The following FARSB variants were observed in gnomAD, a reference collection of about 807,000 sequenced individuals.
The protein encoded by FARSB is phenylalanine--tRNA ligase beta subunit.
FARSB carries 40 observed loss-of-function variants against 69.6 expected under a neutral mutation model. The ratio of observed to expected loss-of-function variants is 0.57; its 90% CI spans 0.45 to 0.75. The LOEUF is 0.75. Ranked by LOEUF, FARSB falls within the 30% of genes least tolerant of loss-of-function variation. The pLI is 0.00. For missense variants in FARSB, 632 were observed against 722.9 expected (o/e 0.87, Z 1.44); for synonymous variants, 235 against 247.2 (o/e 0.95, Z 0.46).
At position 222,616,990 on chromosome 2, in the gene FARSB, T is replaced by TATAGTGACA. The variant is rs1231018982; in HGVS notation, c.1344+2654_1344+2655insTGTCACTAT. Among the ~76,000 whole-genome samples, 194 of 5,190 alleles carry TATAGTGACA rather than the reference T, an allele frequency of 0.037. 57 individuals are homozygous for TATAGTGACA. In the Middle Eastern group the frequency reaches 0.5, roughly 13 times the overall value. The allele number at this position is 5,190 out of a possible 152,430, so 3.4% of individuals were successfully genotyped here. Reference sequence around the variant, plus strand: ...TTTATGCAGAAAGATTGATTCTTTTTTTTTTTTTTTTTTTTTTTTTTGAGA... The same window carrying TATAGTGACA: ...TTTATGCAGAAAGATTGATTCTTTTTATAGTGACATTTTTTTTTTTTTTTTTTTTTGAGA... On this transcript the variant is annotated intron_variant, in intron 14 of 16. Coordinates refer to ENST00000281828, the MANE Select transcript of FARSB (RefSeq NM_005687.5).
intron 16 of FARSB, among the ~76,000 whole-genome samples, chr2:222,582,781 C>T (rs545209233): frequency 4.0e-4 from 61 of 151,834 alleles, no homozygotes; most frequent in African/African-American, 1.2e-3. Flanking sequence ...AAAAATTAGT[C>T]GGGTGTGGTG....
rs1410841459 is a variant in FARSB, at chr2:222,570,035, A to G, written c.*1836T>C. Among the ~76,000 whole-genome samples, 1 of 152,208 alleles carries G rather than the reference A, an allele frequency of 6.6e-6. No individual in the cohort carries two copies. The highest frequency in any genetic ancestry group is 1.5e-5 in the Non-Finnish European group (1 of 68,038). On this transcript the variant is annotated 3_prime_UTR_variant, in exon 17 of 17. Coordinates refer to ENST00000281828, the MANE Select transcript of FARSB (RefSeq NM_005687.5). ...AGTGCATGAAAGTTCCACTTGCTCC[A>G]GTCTCAGCAGTATTTGATTTATGAA...
intron 10 of FARSB, among the ~76,000 whole-genome samples, chr2:222,627,399 G>A (rs904656570): frequency 6.6e-6 from 1 of 152,180 alleles, no homozygotes; most frequent in Non-Finnish European, 1.5e-5. Flanking sequence ...GTGAGTTGTT[G>A]ACCCCACTGC....
In FARSB at chr2:222,592,357, G is replaced by A. The variant is rs115542073; in HGVS notation, c.1618+7571C>T. ...AGAGCTGGAACTGGCCACTTAGAGCGTTGACAGTTTATCAGAATACATCAT... is the reference window on the plus strand; with the variant it reads ...AGAGCTGGAACTGGCCACTTAGAGCATTGACAGTTTATCAGAATACATCAT... On this transcript the variant is annotated intron_variant, in intron 16 of 16. Coordinates refer to ENST00000281828, the MANE Select transcript of FARSB (RefSeq NM_005687.5). Among the ~76,000 whole-genome samples the A allele has an allele frequency of 8.0e-3, 1,220 of 152,180 alleles. 15 individuals are homozygous for A. The highest frequency in any genetic ancestry group is 0.028 in the African/African-American group (1,165 of 41,510).
chr2:222,592,377 C>T (rs549477490), intron 16 of FARSB, among the ~76,000 whole-genome samples: 66 of 152,216 alleles, frequency 4.3e-4, no homozygotes, highest in Middle Eastern at 3.4e-3. Flanking sequence ...TATCAGAATA[C>T]ATCATGTTCT....
rs1025348309 is a variant in FARSB, at chr2:222,568,296, TAA to T, written c.*3573_*3574del. The T allele has an allele frequency of 4.6e-5, 7 of 152,174 alleles. No individual in the cohort carries two copies. The highest frequency in any genetic ancestry group is 7.4e-5 in the Non-Finnish European group (5 of 68,026). 9.4% of individuals were successfully genotyped at this position (152,174 alleles called of 1,614,324 possible). Reference sequence around the variant, plus strand: ...TTGTCTCCCATTATTTTTATATTTTTAAAAAGTGTAGAAAGTCCCATTATTTA... The same window carrying T: ...TTGTCTCCCATTATTTTTATATTTTTAAAGTGTAGAAAGTCCCATTATTTA... On this transcript the variant is annotated 3_prime_UTR_variant, in exon 17 of 17. Coordinates refer to ENST00000281828, the MANE Select transcript of FARSB (RefSeq NM_005687.5). The surrounding 1 kb of genome is among the most constrained non-coding windows in gnomAD (Gnocchi z 4.3).
intron 15 of FARSB, among the ~76,000 whole-genome samples, chr2:222,600,657 G>C (rs1340799667): frequency 6.6e-6 from 1 of 152,106 alleles, no homozygotes; most frequent in African/African-American, 2.4e-5. Flanking sequence ...ATTAAAAAGA[G>C]ACCACAAGGT....
At chr2:222,604,480 G>C (rs189380785) in intron 15 of FARSB, among the ~76,000 whole-genome samples, 1 of 152,192 alleles carries the variant, frequency 6.6e-6, no homozygotes, top group Admixed American at 6.5e-5. Context: ...TATATTCAAG[G>C]CGCTCTATTC....
intron 1 of FARSB, among the ~76,000 whole-genome samples, chr2:222,653,645 T>TC (rs1196585198): frequency 6.6e-6 from 1 of 152,032 alleles, no homozygotes; most frequent in African/African-American, 2.4e-5. Context: ...TTTTTTTTTT[T>TC]TCTGAGACAG....
intron 16 of FARSB, 107 bp downstream of exon 16, chr2:222,599,821 C>T (rs1690514109): frequency 1.2e-6 from 1 of 818,572 alleles, no homozygotes; most frequent in Non-Finnish European, 1.9e-6. Flanking sequence ...ATAAAACTCT[C>T]CCTTTCTTTC....
chr2:222,599,420 T>C (rs1255472024), intron 16 of FARSB, among the ~76,000 whole-genome samples: 1 of 152,228 alleles, frequency 6.6e-6, no homozygotes, highest in Non-Finnish European at 1.5e-5. Context: ...GTACTTGGGA[T>C]TTTATACACG....
intron 16 of FARSB, among the ~76,000 whole-genome samples, chr2:222,578,824 CA>C (rs536067546): frequency 6.1e-5 from 9 of 148,328 alleles, no homozygotes; most frequent in African/African-American, 2.0e-4. Flanking sequence ...CTAAAAAATA[CA>C]AAAAAAATTA....
Position 222,603,704 on chromosome 2 carries a change from GATA to G in FARSB, c.1463-3624_1463-3622del, listed in dbSNP as rs997329099. Among the ~76,000 whole-genome samples the G allele has an allele frequency of 2.3e-3, 332 of 145,902 alleles. 1 individual carries two copies. The highest frequency in any genetic ancestry group is 7.3e-3 in the Middle Eastern group (2 of 274). On this transcript the variant is annotated intron_variant, in intron 15 of 16. Transcript: ENST00000281828. The stretch of plus-strand genomic sequence containing the variant: ...ATATTATATATTATTATATATATTA[GATA>G]ATAATAATAAATATAATATTAATTA...
chr2:222,589,908 C>T (rs1690218259), intron 16 of FARSB, among the ~76,000 whole-genome samples: 2 of 152,330 alleles, frequency 1.3e-5, no homozygotes, highest in Non-Finnish European at 2.9e-5. Context: ...CACTTTCACC[C>T]TGTTAGTGGG....
At chr2:222,641,691 T>C (rs1377537019) in intron 3 of FARSB, among the ~76,000 whole-genome samples, 2 of 152,216 alleles carry the variant, frequency 1.3e-5, no homozygotes, top group East Asian at 3.9e-4. Flanking sequence ...AAAATACAGA[T>C]TCTCACTGGG....
chr2:222,625,985 G>A (rs995955967), intron 10 of FARSB, among the ~76,000 whole-genome samples: 3 of 152,078 alleles, frequency 2.0e-5, no homozygotes, highest in South Asian at 4.1e-4. Flanking sequence ...GGTGGCTCAC[G>A]CCTGTAATCC....
intron 16 of FARSB, among the ~76,000 whole-genome samples, chr2:222,577,508 A>G (rs1039295968): frequency 6.6e-6 from 1 of 152,198 alleles, no homozygotes; most frequent in Non-Finnish European, 1.5e-5. Flanking sequence ...TTAACCCCAC[A>G]GCATGGAACT....
At chr2:222,645,215 A>G (rs960104684) in intron 2 of FARSB, among the ~76,000 whole-genome samples, 11 of 152,240 alleles carry the variant, frequency 7.2e-5, no homozygotes, top group Non-Finnish European at 1.5e-4. Context: ...TCTGGACTAT[A>G]GAGTTCAGAC....
At position 222,593,721 on chromosome 2, in the gene FARSB, A is replaced by C. The variant is rs149461821; in HGVS notation, c.1618+6207T>G. On this transcript the variant is annotated intron_variant, in intron 16 of 16. Transcript: ENST00000281828. Reference sequence around the variant, plus strand: ...GAAAACAAAACAAAACAAAACAAAAATTAGCCAGGCATGGTGGTACGTGCC... The same window carrying C: ...GAAAACAAAACAAAACAAAACAAAACTTAGCCAGGCATGGTGGTACGTGCC... 7.9e-3 allele frequency among the ~76,000 whole-genome samples: 1,202 copies of C among 151,856 alleles called. 15 individuals are homozygous for C. The highest frequency in any genetic ancestry group is 0.028 in the African/African-American group (1,156 of 41,386).
Sources: gnomAD v4.1 joint callset for allele counts (sites outside exome capture counted in the v4.1 genomes callset) on GRCh38, gnomAD v4.1.1 for gene constraint, Gnocchi (gnomAD v3.1) non-coding constraint, MANE v1.5 for transcripts, NCBI Gene and HGNC (gene_info 2026-07-23, HGNC 2026-07-21) for gene names.